Variants in HEXB observed in about 807,000 individuals in gnomAD.
The protein encoded by HEXB is hexosaminidase subunit beta.
HEXB carries 51 observed loss-of-function variants against 71.2 expected under a neutral mutation model. That is an observed-to-expected ratio of 0.72 (90% confidence interval 0.57 to 0.90). The LOEUF (loss-of-function observed/expected upper bound fraction) is 0.90, where lower values mean the gene tolerates loss of function less well. Among genes scored for constraint, HEXB ranks in the 40% least tolerant of loss-of-function variants. The pLI is 0.00. For missense variants in HEXB, 617 were observed against 677.0 expected, an observed-to-expected ratio of 0.91 and a Z score of 0.98; for synonymous variants, 266 against 249.3, an observed-to-expected ratio of 1.07 and a Z score of -0.63.
At chr5:74,683,198 G>A (rs1307269484), upstream of HEXB, among the ~76,000 whole-genome samples, 1 of 152,212 alleles carries the variant, frequency 6.6e-6, no homozygotes, top group African/African-American at 2.4e-5. Context: ...AGGTAGGTCA[G>A]AGAACCTCTT....
chr5:74,640,832 G>C (rs1747845137), intron 1 of HEXB: 2 of 152,950 alleles, frequency 1.3e-5, no homozygotes, highest in South Asian at 2.1e-4. Context: ...CATTAGCGCG[G>C]CCTGTGGTGT....
intron 5 of HEXB, among the ~76,000 whole-genome samples, chr5:74,701,555 A>G (rs1749261225): frequency 6.6e-6 from 1 of 152,124 alleles, no homozygotes; most frequent in African/African-American, 2.4e-5. Context: ...CATAATCTTT[A>G]CTACTTTATC....
chr5:74,695,837 T>C (rs1487593708), intron 3 of HEXB, among the ~76,000 whole-genome samples: 5 of 80,932 alleles, frequency 6.2e-5, no homozygotes, highest in African/African-American at 1.5e-4. Context: ...CAAGACTCCG[T>C]CTAAAAAAAA....
At position 74,641,542 on chromosome 5, in the gene HEXB, G is replaced by GC. The variant is rs1005628752; in HGVS notation, c.-377+986dup. 6.6e-6 allele frequency: 1 copy of GC among 152,284 alleles called. No individual in the cohort carries two copies. Among genetic ancestry groups the GC allele is most frequent in the Non-Finnish European group, 1.5e-5 (1 of 68,118 alleles). The allele number at this position is 152,284 out of a possible 1,614,324, so 9.4% of individuals were successfully genotyped here. On this transcript the variant is annotated intron_variant, in intron 1 of 13. Transcript: ENST00000511181. The surrounding 1 kb of genome is among the most constrained non-coding windows in gnomAD (Gnocchi z 4.1). ...TCAAAGTGAACTCCTCAAAGCAGCA[G>GC]CCACGCCGCCTCCTCTCCTAGCGAT...
intron 6 of HEXB, among the ~76,000 whole-genome samples, chr5:74,710,298 A>G (rs62366364): frequency 0.13 from 20,087 of 150,954 alleles, 1,621 homozygotes; most frequent in Admixed American, 0.2. Flanking sequence ...CAAAATAATA[A>G]GAGCTATCTA....
intron 1 of HEXB, among the ~76,000 whole-genome samples, chr5:74,667,055 T>C (rs1298343428): frequency 1.3e-5 from 2 of 152,092 alleles, no homozygotes; most frequent in African/African-American, 4.8e-5. Flanking sequence ...CCAGGTTGCG[T>C]ATATTACAGT....
At chr5:74,702,574 T>C (rs543612362) in intron 5 of HEXB, among the ~76,000 whole-genome samples, 6 of 152,344 alleles carry the variant, frequency 3.9e-5, no homozygotes, top group African/African-American at 1.4e-4. Flanking sequence ...TCTGGTATTG[T>C]TCACTTATAA....
intron 1 of HEXB, among the ~76,000 whole-genome samples, chr5:74,642,313 G>T (rs1747914070): frequency 6.6e-6 from 1 of 152,006 alleles, no homozygotes; most frequent in South Asian, 2.1e-4. Context: ...CACAGAGACA[G>T]CCCGGATCAA....
At chr5:74,712,433 T>TAA (rs34142144) in intron 6 of HEXB, among the ~76,000 whole-genome samples, 12 of 143,388 alleles carry the variant, frequency 8.4e-5, no homozygotes, top group Admixed American at 2.7e-4. Context: ...AGTATGATAA[T>TAA]AATAAAAAAA....
At chr5:74,713,461 A>G (rs1368394986) in intron 6 of HEXB, 45 bp from the exon 7 acceptor site, 2 of 1,595,888 alleles carry the variant, frequency 1.3e-6, no homozygotes, top group Non-Finnish European at 1.7e-6. Context: ...TCCAGGATCA[A>G]ATCTACGTTG....
intron 1 of HEXB, among the ~76,000 whole-genome samples, chr5:74,659,173 T>C (rs1334216340): frequency 2.0e-5 from 3 of 152,212 alleles, no homozygotes; most frequent in Non-Finnish European, 2.9e-5. Context: ...AATCCCAACA[T>C]ACTTTGAGAA....
chr5:74,646,579 T>G (rs1024882937), intron 1 of HEXB, among the ~76,000 whole-genome samples: 34 of 151,812 alleles, frequency 2.2e-4, no homozygotes, highest in African/African-American at 8.2e-4. Context: ...CTTTTTTTTT[T>G]TTTTTTGAGA....
At chr5:74,645,796 G>A (rs1274565958) in intron 1 of HEXB, among the ~76,000 whole-genome samples, 2 of 152,130 alleles carry the variant, frequency 1.3e-5, no homozygotes, top group Non-Finnish European at 2.9e-5. Flanking sequence ...AGATTTTAGG[G>A]TCAGCATTTA....
intron 7 of HEXB, 113 bp downstream of exon 7, chr5:74,713,748 C>G: frequency 1.2e-6 from 1 of 835,202 alleles, no homozygotes; most frequent in Non-Finnish European, 2.0e-6. Context: ...ACTGCAACCT[C>G]CACCTCCCAG....
At chr5:74,678,662 C>T (rs11748460) in intron 1 of HEXB, among the ~76,000 whole-genome samples, 7,008 of 152,046 alleles carry the variant, frequency 0.046, 204 homozygotes, top group Middle Eastern at 0.082. Context: ...ATCATGAATC[C>T]TAATCAGGAC....
chr5:74,705,115 T>G, intron 5 of HEXB, 104 bp from the exon 6 acceptor site: 1 of 699,058 alleles, frequency 1.4e-6, no homozygotes, highest in East Asian at 2.8e-5. Flanking sequence ...AAAAAAAAGT[T>G]TTAAAGGAAG....
chr5:74,720,828 G>C, intron 13 of HEXB, 81 bp downstream of exon 13: 1 of 1,111,218 alleles, frequency 9.0e-7, no homozygotes, highest in Non-Finnish European at 1.4e-6. Context: ...AGAAATGTAT[G>C]TTACCTAACA....
intron 6 of HEXB, among the ~76,000 whole-genome samples, chr5:74,706,352 C>A (rs1466726084): frequency 6.6e-6 from 1 of 152,240 alleles, no homozygotes; most frequent in African/African-American, 2.4e-5. Context: ...CCGTCTACAG[C>A]TCCCAGCATG....
chr5:74,705,567 A>T, intron 6 of HEXB: 1 of 482,234 alleles, frequency 2.1e-6, no homozygotes. Flanking sequence ...ATCGAAATTT[A>T]ACAAGGTAGA....
Sources: gnomAD v4.1 joint callset for allele counts (sites outside exome capture counted in the v4.1 genomes callset) on GRCh38, gnomAD v4.1.1 for gene constraint, Gnocchi (gnomAD v3.1) non-coding constraint, MANE v1.5 for transcripts, NCBI Gene and HGNC (gene_info 2026-07-23, HGNC 2026-07-21) for gene names.